Variants in ZRANB1 observed in about 807,000 individuals in gnomAD.
The protein encoded by ZRANB1 is ubiquitin thioesterase ZRANB1.
In ZRANB1, 16 loss-of-function variants were observed where a neutral mutation model predicts 80.5. That is an observed-to-expected ratio of 0.20 (90% confidence interval 0.13 to 0.30). The LOEUF is 0.30. Ranked by LOEUF, ZRANB1 falls within the 10% of genes least tolerant of loss-of-function variation. ZRANB1 has a pLI of 1.00. For synonymous variants in ZRANB1, 291 were observed against 293.1 expected (o/e 0.99, Z 0.07); for missense variants, 576 against 862.6 (o/e 0.67, Z 4.16).
In ZRANB1 at chr10:124,945,409, A is replaced by ATTTTTTTT. The variant is rs57697692; in HGVS notation, c.814+2120_814+2127dup. On this transcript the variant is annotated intron_variant, in intron 1 of 8. Coordinates refer to ENST00000359653, the MANE Select transcript of ZRANB1 (RefSeq NM_017580.3). ...ATGCCTTTGGAACAGTCTTAAAATC[A>ATTTTTTTT]TTTTTTTTTTTTTTTTTTTTTTTTT... 6.8e-4 allele frequency: 84 copies of ATTTTTTTT among 123,498 alleles called. 2 individuals carry two copies. Among genetic ancestry groups the ATTTTTTTT allele is most frequent in the African/African-American group, 2.2e-3 (58 of 26,118 alleles). The allele number at this position is 123,498 out of a possible 1,614,324, so 7.7% of individuals were successfully genotyped here.
the ZRANB1 span, among the ~76,000 whole-genome samples, chr10:124,927,100 C>T: frequency 2.0e-5 from 3 of 152,128 alleles, no homozygotes; most frequent in African/African-American, 4.8e-5. Flanking sequence ...GGACTACAGG[C>T]GCCCGCCACC....
upstream of ZRANB1, among the ~76,000 whole-genome samples, chr10:124,938,604 G>A (rs752514549): frequency 5.3e-5 from 8 of 152,056 alleles, no homozygotes; most frequent in Non-Finnish European, 1.0e-4. Flanking sequence ...GATTACAGGC[G>A]TGAGCACCTA....
At chr10:124,927,706 T>TAAGA in the ZRANB1 span, among the ~76,000 whole-genome samples, 1 of 152,330 alleles carries the variant, frequency 6.6e-6, no homozygotes, top group East Asian at 1.9e-4. Flanking sequence ...TTCAGTAAAC[T>TAAGA]AAGAACTATT....
intron 1 of ZRANB1, among the ~76,000 whole-genome samples, chr10:124,948,341 G>A (rs1339703017): frequency 2.0e-5 from 3 of 151,946 alleles, no homozygotes; most frequent in Non-Finnish European, 2.9e-5. Flanking sequence ...TAAGGCTTCC[G>A]GTCAACAGTA....
intron 8 of ZRANB1, chr10:124,984,457 GTCATGTGT>G: frequency 3.7e-6 from 1 of 273,434 alleles, no homozygotes; most frequent in East Asian, 7.1e-5. Flanking sequence ...AACTTACCTT[GTCATGTGT>G]TTGAAGCTGT....
chr10:124,926,801 A>G, the ZRANB1 span, among the ~76,000 whole-genome samples: 4 of 152,318 alleles, frequency 2.6e-5, no homozygotes, highest in South Asian at 4.1e-4. Context: ...CATCACTACA[A>G]ACGTGAGTAA....
chr10:124,984,717 T>C (rs764770185), intron 8 of ZRANB1, 57 bp from the exon 9 acceptor site: 107 of 1,550,940 alleles, frequency 6.9e-5, no homozygotes, highest in Non-Finnish European at 8.8e-5. Context: ...GTCACATTCC[T>C]ACCAAGTCTC....
chr10:124,940,098 T>A (rs1013428833), upstream of ZRANB1, among the ~76,000 whole-genome samples: 3 of 152,232 alleles, frequency 2.0e-5, no homozygotes, highest in African/African-American at 7.2e-5. Flanking sequence ...AGGAATTAAC[T>A]TAGCACTGCC....
Position 124,942,504 on chromosome 10 carries a change from G to C in ZRANB1, c.11G>C (p.Arg4Pro). MSERGIKWACEYCT... is the reference protein window; with the variant it reads MSEPGIKWACEYCT... ...TTCAAGAAGTGCACAATGTCAGAAC[G>C]TGGAATTAAGTGGGCTTGTGAATAT... Residue 4 changes from arginine (R) to proline (P), a missense_variant, in exon 1 of 9, where the codon CGT (arginine) becomes CCT (proline). Physicochemically the swap from Arg to Pro is moderately radical, Grantham distance 103 (BLOSUM62 -2). This residue lies in a region of ZRANB1 where 411 missense variants were observed against 583.1 expected (regional missense o/e 0.70). Transcript: ENST00000359653. 1 of 1,614,170 alleles carries C rather than the reference G, an allele frequency of 6.2e-7. No homozygotes were observed. The highest frequency in any genetic ancestry group is 2.2e-5 in the East Asian group (1 of 44,878).
At position 124,943,182 on chromosome 10, in the gene ZRANB1, T is replaced by G. The variant is rs1448110057; in HGVS notation, c.689T>G (p.Phe230Cys). ...CGGGACTCTGAAGTGAAAATGGATT[T>G]TCAGAGGATTGAATTGGCTGGTGCT... ...TKRDSEVKMD[F>C]QRIELAGAVG... is the part of the protein sequence containing the mutation. Residue 230 changes from phenylalanine (F) to cysteine (C), a missense_variant, in exon 1 of 9, where the codon TTT (phenylalanine) becomes TGT (cysteine). Physicochemically the swap from Phe to Cys is radical, Grantham distance 205. This residue lies in a region of ZRANB1 where 411 missense variants were observed against 583.1 expected (regional missense o/e 0.70). Coordinates refer to ENST00000359653, the MANE Select transcript of ZRANB1 (RefSeq NM_017580.3). 1 of 1,614,182 alleles carries G rather than the reference T, an allele frequency of 6.2e-7. No homozygotes were observed. The highest frequency in any genetic ancestry group is 8.5e-7 in the Non-Finnish European group (1 of 1,180,036).
chr10:124,919,656 G>T, the ZRANB1 span, among the ~76,000 whole-genome samples: 1 of 137,660 alleles, frequency 7.3e-6, no homozygotes, highest in East Asian at 2.1e-4. Flanking sequence ...CTGTCACCCA[G>T]GCTGAATTGC....
intron 1 of ZRANB1, among the ~76,000 whole-genome samples, chr10:124,955,078 G>GA (rs1951677913): frequency 6.6e-6 from 1 of 150,930 alleles, no homozygotes; most frequent in Admixed American, 6.6e-5. Context: ...GCAGTGAGCC[G>GA]AGATTGCGCC....
the ZRANB1 span, among the ~76,000 whole-genome samples, chr10:124,921,340 G>A: frequency 6.6e-6 from 1 of 152,160 alleles, no homozygotes; most frequent in African/African-American, 2.4e-5. Flanking sequence ...AGATGAGACA[G>A]GAGAATATGT....
intron 6 of ZRANB1, among the ~76,000 whole-genome samples, 174 bp downstream of exon 6, chr10:124,982,003 A>G (rs1057140817): frequency 3.3e-5 from 5 of 152,058 alleles, no homozygotes; most frequent in African/African-American, 1.2e-4. Flanking sequence ...AATAAATAGC[A>G]TCGCAAGTAT....
At chr10:124,964,465 CTCCCCT>C (rs1203025328) in intron 1 of ZRANB1, among the ~76,000 whole-genome samples, 2 of 152,158 alleles carry the variant, frequency 1.3e-5, no homozygotes, top group Non-Finnish European at 2.9e-5. Flanking sequence ...ATTTGAAGAT[CTCCCCT>C]TCTTCCAAGC....
intron 1 of ZRANB1, among the ~76,000 whole-genome samples, chr10:124,963,439 G>A (rs1339944162): frequency 6.7e-6 from 1 of 149,546 alleles, no homozygotes; most frequent in Non-Finnish European, 1.5e-5. Flanking sequence ...GTCTTTCCCT[G>A]TCTACCAACT....
chr10:124,943,212 G>A lies in ZRANB1; in HGVS notation c.719G>A (p.Gly240Glu). The change falls in exon 1 of 9, where the codon GGA becomes GAA. Residue 240 changes from glycine to glutamate, a missense_variant. Physicochemically the swap from Gly to Glu is moderately conservative, Grantham distance 98. Coordinates refer to ENST00000359653, the MANE Select transcript of ZRANB1 (RefSeq NM_017580.3). ...FQRIELAGAVGSKEELEVDFK... is the reference protein window; with the variant it reads ...FQRIELAGAVESKEELEVDFK... ...AGGATTGAATTGGCTGGTGCTGTGG[G>A]AAGCAAGGAGGAACTTGAAGTAGAC... 1.2e-6 allele frequency: 2 copies of A among 1,614,188 alleles called. No individual in the cohort carries two copies. Among genetic ancestry groups the A allele is most frequent in the Non-Finnish European group, 1.7e-6 (2 of 1,180,040 alleles).
At chr10:124,960,965 A>G (rs1311854299) in intron 1 of ZRANB1, among the ~76,000 whole-genome samples, 2 of 152,010 alleles carry the variant, frequency 1.3e-5, no homozygotes, top group Non-Finnish European at 2.9e-5. Context: ...ATGAGTTTCA[A>G]AATCTACTTT....
At chr10:124,941,434 A>G (rs941674065), upstream of ZRANB1, among the ~76,000 whole-genome samples, 3 of 152,000 alleles carry the variant, frequency 2.0e-5, no homozygotes, top group Admixed American at 1.3e-4. Context: ...GCTCACTGCA[A>G]CCTCTGCCTG....
Sources: gnomAD v4.1 joint callset for allele counts (sites outside exome capture counted in the v4.1 genomes callset) on GRCh38, gnomAD v4.1.1 for gene constraint, gnomAD v4.1.1 regional missense constraint, MANE v1.5 for transcripts, NCBI Gene and HGNC (gene_info 2026-07-23, HGNC 2026-07-21) for gene names.